USP32: variants seen among roughly 807,000 people sequenced by gnomAD.
The protein encoded by USP32 is ubiquitin specific peptidase 32.
USP32 carries 59 observed loss-of-function variants against 204.8 expected under a neutral mutation model. That is an observed-to-expected ratio of 0.29 (90% CI 0.23 to 0.36). USP32 has a LOEUF of 0.36. USP32 is among the 10% of genes least tolerant of loss of function. USP32 has a pLI of 1.00. For synonymous variants in USP32, 517 were observed against 678.4 expected, an observed-to-expected ratio of 0.76 and a Z score of 3.70; for missense variants, 1,160 against 1,946.4, an observed-to-expected ratio of 0.60 and a Z score of 7.60.
intron 29 of USP32, 121 bp from the exon 30 acceptor site, chr17:60,185,772 A>G (rs1342658950): frequency 8.3e-7 from 1 of 1,205,424 alleles, no homozygotes; most frequent in Non-Finnish European, 1.1e-6. Context: ...GAAAAAGAAA[A>G]TACAACTGGC....
chr17:60,236,343 T>G, intron 11 of USP32, 103 bp from the exon 12 acceptor site: 1 of 883,058 alleles, frequency 1.1e-6, no homozygotes, highest in Non-Finnish European at 1.8e-6. Flanking sequence ...CGCGAAACAT[T>G]TAGATGTAAT....
chr17:60,352,875 AG>A (rs2088981632), intron 1 of USP32, among the ~76,000 whole-genome samples: 1 of 152,210 alleles, frequency 6.6e-6, no homozygotes, highest in South Asian at 2.1e-4. Context: ...TCAACTGAAC[AG>A]GGTTCACTGA....
intron 3 of USP32, among the ~76,000 whole-genome samples, chr17:60,295,463 A>C (rs1275772166): frequency 6.6e-6 from 1 of 152,206 alleles, no homozygotes; most frequent in Non-Finnish European, 1.5e-5. Context: ...TGGTTAACAG[A>C]GGTCCAAAAA....
intron 2 of USP32, among the ~76,000 whole-genome samples, chr17:60,311,912 C>T (rs567634646): frequency 6.6e-6 from 1 of 152,244 alleles, no homozygotes; most frequent in Admixed American, 6.5e-5. Flanking sequence ...GCTTTCTGGT[C>T]CTGGTCATTC....
At chr17:60,287,814 CA>C (rs547794442) in intron 5 of USP32, among the ~76,000 whole-genome samples, 8 of 149,450 alleles carry the variant, frequency 5.4e-5, no homozygotes, top group Admixed American at 6.7e-5. Flanking sequence ...AAAACACTGA[CA>C]AAAAAAAAAT....
intron 2 of USP32, among the ~76,000 whole-genome samples, chr17:60,318,761 G>A (rs1420890601): frequency 1.3e-5 from 2 of 152,174 alleles, no homozygotes; most frequent in Non-Finnish European, 2.9e-5. Flanking sequence ...TCATTTTCAA[G>A]CTGGTGTGCT....
intron 1 of USP32, among the ~76,000 whole-genome samples, chr17:60,363,144 A>G (rs2089243034): frequency 6.6e-6 from 1 of 151,586 alleles, no homozygotes; most frequent in African/African-American, 2.4e-5. Context: ...AAAATATTAA[A>G]TTTTTTAAAT....
chr17:60,207,913 T>C (rs1425609887), intron 24 of USP32, 146 bp downstream of exon 24: 1 of 1,406,580 alleles, frequency 7.1e-7, no homozygotes, highest in African/African-American at 1.4e-5. Flanking sequence ...GTTGGAAAAC[T>C]TGGCATTTTT....
chr17:60,355,951 CCTT>C (rs2089066455), intron 1 of USP32, among the ~76,000 whole-genome samples: 1 of 148,324 alleles, frequency 6.7e-6, no homozygotes, highest in East Asian at 2.0e-4. Flanking sequence ...ATTCCCATCA[CCTT>C]CTCCCCAGCT....
intron 1 of USP32, among the ~76,000 whole-genome samples, chr17:60,366,145 G>A (rs2089308392): frequency 6.7e-6 from 1 of 150,170 alleles, no homozygotes; most frequent in Non-Finnish European, 1.5e-5. Context: ...GCCGGGCTAA[G>A]TTTTTTTTCT....
At chr17:60,356,605 C>T (rs2089084722) in intron 1 of USP32, among the ~76,000 whole-genome samples, 1 of 152,158 alleles carries the variant, frequency 6.6e-6, no homozygotes, top group South Asian at 2.1e-4. Flanking sequence ...AAAGAATACA[C>T]ACTTTATAAA....
At chr17:60,279,268 G>C (rs2086908632) in intron 5 of USP32, among the ~76,000 whole-genome samples, 1 of 152,066 alleles carries the variant, frequency 6.6e-6, no homozygotes, top group African/African-American at 2.4e-5. Flanking sequence ...GGGAGTCTGT[G>C]GCAGGGGAGG....
intron 1 of USP32, among the ~76,000 whole-genome samples, chr17:60,403,183 T>C (rs2089949666): frequency 6.6e-6 from 1 of 152,128 alleles, no homozygotes; most frequent in Non-Finnish European, 1.5e-5. Context: ...AGCTAATTTT[T>C]GTATTTTTAG....
At chr17:60,382,274 G>A (rs1295779434) in intron 1 of USP32, among the ~76,000 whole-genome samples, 1 of 152,212 alleles carries the variant, frequency 6.6e-6, no homozygotes, top group Non-Finnish European at 1.5e-5. Flanking sequence ...AGTGCTTTGG[G>A]AGGCTGAGGC....
At chr17:60,218,689 C>T (rs1220246148) in intron 16 of USP32, among the ~76,000 whole-genome samples, 1 of 151,992 alleles carries the variant, frequency 6.6e-6, no homozygotes, top group Non-Finnish European at 1.5e-5. Flanking sequence ...CTGCAACCTC[C>T]ACCTCCTGGG....
At chr17:60,206,324 ATAAAT>A (rs1212533788) in intron 25 of USP32, among the ~76,000 whole-genome samples, 3 of 148,260 alleles carry the variant, frequency 2.0e-5, no homozygotes, top group Non-Finnish European at 4.4e-5. Context: ...CTCAAAATAA[ATAAAT>A]TAAATTAAAT....
chr17:60,202,141 C>T lies in USP32; in HGVS notation c.3249+3306G>A, dbSNP rs565479664. On this transcript the variant is annotated intron_variant, in intron 26 of 33. Coordinates refer to ENST00000300896, the MANE Select transcript of USP32 (RefSeq NM_032582.4). Reference sequence around the variant, plus strand: ...AGTTTCATATGGATATCTAATTGTCCCAGCACCACTTGCTGAGAAAACTAT... The same window carrying T: ...AGTTTCATATGGATATCTAATTGTCTCAGCACCACTTGCTGAGAAAACTAT... 1.3e-4 allele frequency among the ~76,000 whole-genome samples: 20 copies of T among 152,002 alleles called. 1 individual carries two copies. In the South Asian group the frequency reaches 3.9e-3, roughly 30 times the overall value.
At chr17:60,334,136 CT>C (rs2088456612) in intron 2 of USP32, among the ~76,000 whole-genome samples, 1 of 152,074 alleles carries the variant, frequency 6.6e-6, no homozygotes, top group Non-Finnish European at 1.5e-5. Context: ...CTTGAGTTTA[CT>C]GTAAAAAAGC....
At chr17:60,406,405 C>T (rs2089976319) in intron 1 of USP32, among the ~76,000 whole-genome samples, 1 of 151,966 alleles carries the variant, frequency 6.6e-6, no homozygotes. Flanking sequence ...TCTCAAACTC[C>T]TGGCCTCAAG....
Sources: gnomAD v4.1 joint callset for allele counts (sites outside exome capture counted in the v4.1 genomes callset) on GRCh38, gnomAD v4.1.1 for gene constraint, MANE v1.5 for transcripts, NCBI Gene and HGNC (gene_info 2026-07-23, HGNC 2026-07-21) for gene names.